The following CC2D2A variants were observed in gnomAD, a reference collection of about 807,000 sequenced individuals.
CC2D2A encodes the protein coiled-coil and C2 domain-containing protein 2A.
CC2D2A carries 155 observed loss-of-function variants against 212.9 expected under a neutral mutation model. That is an observed-to-expected ratio of 0.73 (90% CI 0.64 to 0.83). The LOEUF is 0.83. Ranked by LOEUF, CC2D2A falls within the 40% of genes least tolerant of loss-of-function variation. The pLI is 0.00. For synonymous variants in CC2D2A, 667 were observed against 686.5 expected (o/e 0.97, Z 0.44); for missense variants, 1,856 against 1,956.2 (o/e 0.95, Z 0.97).
At chr4:15,588,740 C>A (rs1179506876) in intron 32 of CC2D2A, among the ~76,000 whole-genome samples, 1 of 152,092 alleles carries the variant, frequency 6.6e-6, no homozygotes, top group Non-Finnish European at 1.5e-5. Flanking sequence ...AGGTTCTGTG[C>A]CCACTCCTCA....
chr4:15,514,280 T>C (rs1310915893), intron 8 of CC2D2A, among the ~76,000 whole-genome samples: 1 of 152,236 alleles, frequency 6.6e-6, no homozygotes, highest in Non-Finnish European at 1.5e-5. Context: ...CCAGGCAGTC[T>C]GAACAGGGTG....
chr4:15,601,391 G>C lies in CC2D2A; in HGVS notation c.4829G>C (p.Trp1610Ser). 6.4e-7 allele frequency: 1 copy of C among 1,562,700 alleles called. No homozygotes were observed. Among genetic ancestry groups the C allele is most frequent in the Non-Finnish European group, 8.7e-7 (1 of 1,150,958 alleles). Residue 1610 changes from tryptophan (W) to serine (S), a missense_variant, in exon 37 of 37, where the codon TGG becomes TCG. Trp to Ser is a radical substitution (Grantham distance 177). Around this residue, in one of 5 missense-constraint regions of CC2D2A, gnomAD observed 285 missense variants for 278.4 expected, o/e 1.02. Transcript: ENST00000424120. ...HPYPKNVLSV[W>S]IYVASLIRNR ...TACCCCAAAAATGTTTTGTCTGTTTGGATCTATGTTGCCTCTCTTATACGC... is the reference window on the plus strand; with the variant it reads ...TACCCCAAAAATGTTTTGTCTGTTTCGATCTATGTTGCCTCTCTTATACGC...
In CC2D2A at chr4:15,559,195, G is replaced by A. The variant is rs1283697842; in HGVS notation, c.2860G>A (p.Val954Ile). The change falls in exon 22 of 37, where the codon GTA (valine) becomes ATA (isoleucine). Residue 954 changes from valine (V) to isoleucine (I), a missense_variant. This residue lies in a region of CC2D2A where 1,512 missense variants were observed against 1,579.3 expected (regional missense o/e 0.96). Transcript: ENST00000424120. ...TGAGAAACGGTTACGAGACAGAAAT[G>A]TAATAGAAACCAAGGAACACATAGA... is the stretch of plus-strand genomic sequence containing the variant. ...DYEKRLRDRN[V>I]IETKEHIDTH... 1 of 1,552,658 alleles carries A rather than the reference G, an allele frequency of 6.4e-7. No individual in the cohort carries two copies. The highest frequency in any genetic ancestry group is 2.4e-5 in the East Asian group (1 of 41,162).
intron 1 of CC2D2A, among the ~76,000 whole-genome samples, chr4:15,471,492 A>T (rs1040399150): frequency 4.0e-5 from 6 of 151,818 alleles, no homozygotes; most frequent in African/African-American, 1.5e-4. Flanking sequence ...CCCCACAATC[A>T]CTTTTTCTTA....
chr4:15,587,991 C>T lies in CC2D2A; in HGVS notation c.4179+62C>T, dbSNP rs1720929342. 5 of 882,922 alleles carry T rather than the reference C, an allele frequency of 5.7e-6. No individual in the cohort carries two copies. In the East Asian group the frequency reaches 7.5e-5, roughly 13 times the overall value. 54.7% of individuals were successfully genotyped at this position (882,922 alleles called of 1,614,324 possible). A position where few individuals can be genotyped will look rare whatever the true frequency, so the allele number is the denominator to read the frequency against. On this transcript the variant is annotated intron_variant, in intron 32 of 36. Coordinates refer to ENST00000424120, the MANE Select transcript of CC2D2A (RefSeq NM_001378615.1). Reference sequence around the variant, plus strand: ...AGTTGTCTAATCGAGTTGTGTGTTCCAGATCACACACAGGACATATTTTCA... The same window carrying T: ...AGTTGTCTAATCGAGTTGTGTGTTCTAGATCACACACAGGACATATTTTCA...
chr4:15,500,107 G>GTATATATATATA (rs55743422), intron 4 of CC2D2A, among the ~76,000 whole-genome samples: 1 of 112,932 alleles, frequency 8.9e-6, no homozygotes, highest in Non-Finnish European at 1.8e-5. Context: ...GTGTGTGTGT[G>GTATATATATATA]TATATATATA....
intron 30 of CC2D2A, among the ~76,000 whole-genome samples, chr4:15,584,972 T>G (rs934825824): frequency 6.6e-6 from 1 of 152,188 alleles, no homozygotes; most frequent in African/African-American, 2.4e-5. Flanking sequence ...AAAATGGCTC[T>G]TTTCAGAAAG....
At chr4:15,514,186 A>G (rs1038370073) in intron 8 of CC2D2A, among the ~76,000 whole-genome samples, 6 of 152,226 alleles carry the variant, frequency 3.9e-5, no homozygotes, top group Non-Finnish European at 7.3e-5. Context: ...TAACTATCTT[A>G]TAAGTGAGGA....
chr4:15,492,589 G>T, intron 4 of CC2D2A: 1 of 398,838 alleles, frequency 2.5e-6, no homozygotes. Flanking sequence ...TCCCTCTTCA[G>T]GGGGTCTGCA....
chr4:15,565,322 G>A (rs1719832023), intron 24 of CC2D2A, among the ~76,000 whole-genome samples: 1 of 151,720 alleles, frequency 6.6e-6, no homozygotes, highest in Non-Finnish European at 1.5e-5. Flanking sequence ...CAGATACATC[G>A]AGACAGCTCA....
At chr4:15,544,927 G>C (rs183746802) in intron 17 of CC2D2A, among the ~76,000 whole-genome samples, 2 of 152,252 alleles carry the variant, frequency 1.3e-5, no homozygotes, top group African/African-American at 4.8e-5. Flanking sequence ...CAATAAGCTT[G>C]GTCCTAAAAA....
intron 29 of CC2D2A, 89 bp downstream of exon 29, chr4:15,574,415 CACAA>C: frequency 1.0e-6 from 1 of 985,458 alleles, no homozygotes; most frequent in South Asian, 2.2e-5. Context: ...CTTTTTCCTA[CACAA>C]ACAGAGCCTT....
intron 30 of CC2D2A, among the ~76,000 whole-genome samples, chr4:15,583,718 G>A (rs1720744778): frequency 6.6e-6 from 1 of 152,184 alleles, no homozygotes; most frequent in African/African-American, 2.4e-5. Flanking sequence ...GGGAGGCCGA[G>A]GCGGGCGGAT....
chr4:15,554,026 T>C (rs1328662908), intron 19 of CC2D2A, among the ~76,000 whole-genome samples: 1 of 152,216 alleles, frequency 6.6e-6, no homozygotes. Context: ...AAAAACAGAA[T>C]TGGGCTCGTT....
At position 15,555,701 on chromosome 4, in the gene CC2D2A, T is replaced by C. The variant is rs578072589; in HGVS notation, c.2625+491T>C. Reference sequence around the variant, plus strand: ...CTTCAGTGAGCTGTGATCTTGCCACTGCACTCCAGTCTGAATAGAGTGAGA... The same window carrying C: ...CTTCAGTGAGCTGTGATCTTGCCACCGCACTCCAGTCTGAATAGAGTGAGA... On this transcript the variant is annotated intron_variant, in intron 20 of 36. Transcript: ENST00000424120. Among the ~76,000 whole-genome samples, 3 of 152,290 alleles carry C rather than the reference T, an allele frequency of 2.0e-5. No individual in the cohort carries two copies. The South Asian group carries it at 6.2e-4, about 32-fold the overall frequency.
intron 17 of CC2D2A, among the ~76,000 whole-genome samples, chr4:15,544,635 GA>G (rs1184960886): frequency 6.6e-6 from 1 of 152,188 alleles, no homozygotes; most frequent in Admixed American, 6.5e-5. Flanking sequence ...GGCAGCCTGT[GA>G]AACACACTCC....
chr4:15,569,387 G>A lies in CC2D2A; in HGVS notation c.3493G>A (p.Glu1165Lys), dbSNP rs775357556. 2 of 1,543,154 alleles carry A rather than the reference G, an allele frequency of 1.3e-6. No individual in the cohort carries two copies. Among genetic ancestry groups the A allele is most frequent in the Non-Finnish European group, 1.8e-6 (2 of 1,132,674 alleles). ...TGATGAAGTACTGCATGATGTCTTA[G>A]AGGTAAGTTCTCAGTTTTAAGAAAG... is the stretch of plus-strand genomic sequence containing the variant. ...IFDEVLHDVL[E>K]DDRERGSGIH... The change falls in exon 27 of 37, where the codon GAG becomes AAG. Residue 1165 changes from glutamate (E) to lysine (K), a missense_variant and splice_region_variant. Around this residue, in one of 5 missense-constraint regions of CC2D2A, gnomAD observed 1,512 missense variants for 1,579.3 expected, o/e 0.96. Coordinates refer to ENST00000424120, the MANE Select transcript of CC2D2A (RefSeq NM_001378615.1).
In CC2D2A at chr4:15,523,151, C is replaced by T. The variant is rs569452290; in HGVS notation, c.1150-4296C>T. 7.9e-5 allele frequency among the ~76,000 whole-genome samples: 12 copies of T among 151,834 alleles called. No homozygotes were observed. The South Asian group carries it at 2.5e-3, about 32-fold the overall frequency. On this transcript the variant is annotated intron_variant, in intron 11 of 36. Coordinates refer to ENST00000424120, the MANE Select transcript of CC2D2A (RefSeq NM_001378615.1). ...AAAAGTTGTTGAAAAGCAGTACAAA[C>T]ATCCCTCTTCCTTCTCTCTCTTTCC...
chr4:15,482,062 G>T, intron 4 of CC2D2A: 1 of 985,292 alleles, frequency 1.0e-6, no homozygotes. Context: ...GATTAGACAA[G>T]AGGAGAAGTG....
Sources: gnomAD v4.1 joint callset for allele counts (sites outside exome capture counted in the v4.1 genomes callset) on GRCh38, gnomAD v4.1.1 for gene constraint, gnomAD v4.1.1 regional missense constraint, MANE v1.5 for transcripts, NCBI Gene and HGNC (gene_info 2026-07-23, HGNC 2026-07-21) for gene names.